Variants in SRGAP2 observed in about 807,000 individuals in gnomAD.
The protein encoded by SRGAP2 is SLIT-ROBO Rho GTPase activating protein 2.
SRGAP2 carries 15 observed loss-of-function variants against 57.2 expected under a neutral mutation model. The observed-to-expected ratio is 0.26, with a 90% confidence interval of 0.18 to 0.40. The LOEUF is 0.40. SRGAP2 is among the 10% of genes least tolerant of loss of function. SRGAP2 has a pLI of 1.00. For synonymous variants in SRGAP2, 249 were observed against 248.0 expected (o/e 1.00, Z -0.04); for missense variants, 520 against 669.6 (o/e 0.78, Z 2.47).
intron 7 of SRGAP2, among the ~76,000 whole-genome samples, chr1:206,400,916 T>A (rs1553355227): frequency 1.1e-5 from 1 of 92,068 alleles, no homozygotes; most frequent in East Asian, 3.1e-4. Context: ...CTCCCCATTC[T>A]CTCCTTCTCC....
chr1:206,430,344 T>C (rs1248763892), intron 14 of SRGAP2, 122 bp downstream of exon 14: 2 of 693,090 alleles, frequency 2.9e-6, no homozygotes, highest in African/African-American at 3.5e-5. Context: ...AAGGAATAAA[T>C]TCTTACTTGT....
At chr1:206,460,700 C>T (rs1553380158) in intron 22 of SRGAP2, among the ~76,000 whole-genome samples, 2 of 152,178 alleles carry the variant, frequency 1.3e-5, no homozygotes, top group African/African-American at 4.8e-5. Flanking sequence ...CACCAAACTC[C>T]TGGCCATTCT....
At chr1:206,365,002 CAG>C (rs1553341326) in intron 4 of SRGAP2, among the ~76,000 whole-genome samples, 1 of 117,138 alleles carries the variant, frequency 8.5e-6, no homozygotes, top group East Asian at 2.4e-4. Flanking sequence ...GGCAACAAGA[CAG>C]AGGGGAAAAG....
intron 21 of SRGAP2, chr1:206,456,161 A>G (rs1663815710): frequency 6.6e-6 from 1 of 152,240 alleles, no homozygotes; most frequent in African/African-American, 2.4e-5. Context: ...TTTAAACTAT[A>G]CCAGGTTTCC....
rs1553381360 is a variant in SRGAP2 at position 206,462,637 on chromosome 1, C to A, written c.*1217C>A. The A allele has an allele frequency of 6.6e-6, 1 of 152,210 alleles. No homozygotes were observed. Among genetic ancestry groups the A allele is most frequent in the African/African-American group, 2.4e-5 (1 of 41,454 alleles). The allele number at this position is 152,210 out of a possible 1,614,324, so 9.4% of individuals were successfully genotyped here. ...GTTAGATTAAAGGGAGACCCTACCT[C>A]TTAAAACCAGTTTTCATTTATGCAA... is the stretch of plus-strand genomic sequence containing the variant. On this transcript the variant is annotated 3_prime_UTR_variant, in exon 23 of 23. Coordinates refer to ENST00000573034, the MANE Select transcript of SRGAP2 (RefSeq NM_015326.5).
intron 3 of SRGAP2, among the ~76,000 whole-genome samples, chr1:206,342,254 G>A (rs1675256228): frequency 6.6e-6 from 1 of 152,170 alleles, no homozygotes; most frequent in Non-Finnish European, 1.5e-5. Flanking sequence ...TGGGGATTTT[G>A]TAGTGCTGTA....
At position 206,420,455 on chromosome 1, in the gene SRGAP2, T is replaced by C. The variant is rs376203333; in HGVS notation, c.1470-795T>C. Among the ~76,000 whole-genome samples, 19 of 152,258 alleles carry C rather than the reference T, an allele frequency of 1.2e-4. 1 individual carries two copies. Among genetic ancestry groups the C allele is most frequent in the African/African-American group, 4.3e-4 (18 of 41,550 alleles). Reference sequence around the variant, plus strand: ...AGTTGAATTTCCCGGTGCTGAGTTATTTTGCTGTGAGACCTTAGGCCGCTC... The same window carrying C: ...AGTTGAATTTCCCGGTGCTGAGTTACTTTGCTGTGAGACCTTAGGCCGCTC... On this transcript the variant is annotated intron_variant, in intron 12 of 22. Transcript: ENST00000573034.
intron 2 of SRGAP2, among the ~76,000 whole-genome samples, chr1:206,268,123 A>G (rs1478902219): frequency 5.3e-5 from 8 of 151,714 alleles, no homozygotes; most frequent in Non-Finnish European, 1.2e-4. Flanking sequence ...TCTAGAGTAC[A>G]TATGCACAAT....
At chr1:206,373,189 G>A (rs1341544927) in intron 4 of SRGAP2, among the ~76,000 whole-genome samples, 32 of 142,954 alleles carry the variant, frequency 2.2e-4, no homozygotes, top group East Asian at 1.0e-3. Flanking sequence ...TCTGCCTCCC[G>A]GGTTCAAGCA....
chr1:206,260,405 T>G (rs1553313294), intron 2 of SRGAP2, among the ~76,000 whole-genome samples: 1 of 152,186 alleles, frequency 6.6e-6, no homozygotes, highest in African/African-American at 2.4e-5. Flanking sequence ...AAGGCATATA[T>G]GTTGACGAGT....
chr1:206,309,484 T>G (rs80206524), intron 3 of SRGAP2, among the ~76,000 whole-genome samples: 19,751 of 116,256 alleles, frequency 0.17, 2,121 homozygotes, highest in African/African-American at 0.39. Context: ...AAAAAAAAGT[T>G]GGGGGAGTGG....
chr1:206,229,738 T>C (rs1159611180), intron 2 of SRGAP2, among the ~76,000 whole-genome samples: 1 of 152,046 alleles, frequency 6.6e-6, no homozygotes, highest in Non-Finnish European at 1.5e-5. Flanking sequence ...TTTCAGGATT[T>C]CTATAGCTTC....
intron 5 of SRGAP2, among the ~76,000 whole-genome samples, chr1:206,391,298 A>G (rs1656922644): frequency 7.7e-6 from 1 of 129,760 alleles, no homozygotes; most frequent in Admixed American, 8.1e-5. Flanking sequence ...CCTCCCAACC[A>G]GTTCAGCTCC....
chr1:206,414,693 T>C (rs1314742281), intron 10 of SRGAP2, among the ~76,000 whole-genome samples: 1 of 152,118 alleles, frequency 6.6e-6, no homozygotes, highest in African/African-American at 2.4e-5. Flanking sequence ...AGGCCTTAGA[T>C]TGGGCCTGAC....
chr1:206,378,703 A>G lies in SRGAP2; in HGVS notation c.424-5311A>G, dbSNP rs575995945. 4.6e-5 allele frequency among the ~76,000 whole-genome samples: 7 copies of G among 152,274 alleles called. No individual in the cohort carries two copies. In the East Asian group the frequency reaches 7.7e-4, roughly 17 times the overall value. ...TAGCTAAAGGATTGTAAAGGCACCA[A>G]TCAGCACTCTGTAAAAATGCACCAA... On this transcript the variant is annotated intron_variant, in intron 4 of 22. Coordinates refer to ENST00000573034, the MANE Select transcript of SRGAP2 (RefSeq NM_015326.5).
At chr1:206,398,992 C>G (rs1312283891) in intron 7 of SRGAP2, among the ~76,000 whole-genome samples, 117 of 152,150 alleles carry the variant, frequency 7.7e-4, no homozygotes, top group African/African-American at 2.7e-3. Flanking sequence ...TTTAAAGTGT[C>G]TACATGGTAC....
At chr1:206,290,686 C>A in intron 2 of SRGAP2, among the ~76,000 whole-genome samples, 1 of 149,848 alleles carries the variant, frequency 6.7e-6, no homozygotes, top group African/African-American at 2.5e-5. Flanking sequence ...GTATGTAGTG[C>A]TTACAATATA....
intron 4 of SRGAP2, among the ~76,000 whole-genome samples, chr1:206,361,479 G>T (rs1363269196): frequency 6.6e-6 from 1 of 152,122 alleles, no homozygotes; most frequent in East Asian, 1.9e-4. Flanking sequence ...ATCCTGTGAG[G>T]ATAACAATGA....
Position 206,231,435 on chromosome 1 carries a change from A to G in SRGAP2, c.67+25398A>G, listed in dbSNP as rs550130450. 6.7e-3 allele frequency among the ~76,000 whole-genome samples: 1,010 copies of G among 151,678 alleles called. 4 individuals are homozygous for G. Among genetic ancestry groups the G allele is most frequent in the Middle Eastern group, 0.034 (10 of 294 alleles). ...GGAGGGCACTCTGGGGGAAGTAAGC[A>G]GGTATATGGGGCTAAAATCAAAAGG... On this transcript the variant is annotated intron_variant, in intron 2 of 22. Coordinates refer to ENST00000573034, the MANE Select transcript of SRGAP2 (RefSeq NM_015326.5).
Sources: allele counts gnomAD v4.1 joint callset (sites outside exome capture counted in the v4.1 genomes callset), GRCh38; gene constraint gnomAD v4.1.1; transcripts MANE v1.5; gene names NCBI Gene and HGNC (gene_info 2026-07-23, HGNC 2026-07-21).